ARRDC4: variants seen among roughly 807,000 people sequenced by gnomAD.
ARRDC4 encodes the protein arrestin domain-containing protein 4.
A neutral mutation model predicts 44.6 loss-of-function variants in ARRDC4; 40 were observed. The ratio of observed to expected loss-of-function variants is 0.90; its 90% CI spans 0.70 to 1.17. ARRDC4 has a LOEUF of 1.17. Ranked by LOEUF, ARRDC4 falls within the 50% of genes most tolerant of loss-of-function variation. The probability of loss-of-function intolerance (pLI) is 0.00; values close to 1 mark genes in which losing one functional copy is unlikely to be tolerated. For missense variants in ARRDC4, 550 were observed against 559.1 expected (o/e 0.98, Z 0.16); for synonymous variants, 211 against 221.2 (o/e 0.95, Z 0.41).
In ARRDC4 at chr15:97,969,949, C is replaced by T; in HGVS notation, c.949C>T (p.Pro317Ser). 6.2e-7 allele frequency: 1 copy of T among 1,611,068 alleles called. No homozygotes were observed. Among genetic ancestry groups the T allele is most frequent in the Non-Finnish European group, 8.5e-7 (1 of 1,179,070 alleles). The change falls in exon 6 of 8, where the codon CCA becomes TCA. Residue 317 changes from proline (P) to serine (S), a missense_variant. Pro to Ser is a moderately conservative substitution (Grantham distance 74, BLOSUM62 -1). Transcript: ENST00000268042. Reference protein sequence around the residue: ...LELPLVIGTIPYNGFGSRNSS... With the variant: ...LELPLVIGTISYNGFGSRNSS... The stretch of plus-strand genomic sequence containing the variant: ...ACTGCCATTAGTGATCGGTACAATT[C>T]CATATAATGGTTTTGGCAGCAGAAA...
Position 97,968,635 on chromosome 15 carries a change from G to T in ARRDC4, c.626-488G>T, listed in dbSNP as rs1029093479. On this transcript the variant is annotated intron_variant, in intron 4 of 7. Transcript: ENST00000268042. The surrounding 1 kb of genome is among the most constrained non-coding windows in gnomAD (Gnocchi z 5.4). ...TTCTGACTTGTTAGAAAGGAATTCA[G>T]TATGGAATGGTATGATGTGCAGCCA... Among the ~76,000 whole-genome samples, 1 of 152,218 alleles carries T rather than the reference G, an allele frequency of 6.6e-6. No homozygotes were observed. The highest frequency in any genetic ancestry group is 2.4e-5 in the African/African-American group (1 of 41,468).
chr15:97,964,997 T>TATATACACAC (rs1555456248), intron 1 of ARRDC4, among the ~76,000 whole-genome samples: 12 of 147,828 alleles, frequency 8.1e-5, no homozygotes, highest in African/African-American at 3.0e-4. Context: ...GATTTTTACA[T>TATATACACAC]ACACACACAC....
chr15:97,967,288 T>C lies in ARRDC4; in HGVS notation c.523-726T>C, dbSNP rs1021880134. Among the ~76,000 whole-genome samples, 4 of 150,224 alleles carry C rather than the reference T, an allele frequency of 2.7e-5. No homozygotes were observed. The highest frequency in any genetic ancestry group is 4.4e-5 in the Non-Finnish European group (3 of 67,886). On this transcript the variant is annotated intron_variant, in intron 3 of 7. Transcript: ENST00000268042. The surrounding 1 kb of genome is among the most constrained non-coding windows in gnomAD (Gnocchi z 5.0). ...ACTGTTGATCCCTTACGATTCTTTATATAAATAAAAAAAAAATATTGCAAG... is the reference window on the plus strand; with the variant it reads ...ACTGTTGATCCCTTACGATTCTTTACATAAATAAAAAAAAAATATTGCAAG...
chr15:97,971,037 G>A, intron 7 of ARRDC4, 94 bp from the exon 8 acceptor site: 1 of 1,381,008 alleles, frequency 7.2e-7, no homozygotes, highest in Non-Finnish European at 1.0e-6. Context: ...GCTCTGACCA[G>A]CTTGGCATAT....
rs974989517 is a variant in ARRDC4, at chr15:97,965,796, C to CT, written c.375-92dup. On this transcript the variant is annotated intron_variant, in intron 2 of 7. Coordinates refer to ENST00000268042, the MANE Select transcript of ARRDC4 (RefSeq NM_183376.3). The surrounding 1 kb of genome is among the most constrained non-coding windows in gnomAD (Gnocchi z 5.1). ...TGAATAGTCCCTAAATAGACTTACTCTTTTTTTATTTCCAACCTAAAACAT... is the reference window on the plus strand; with the variant it reads ...TGAATAGTCCCTAAATAGACTTACTCTTTTTTTTATTTCCAACCTAAAACAT... The CT allele has an allele frequency of 2.0e-5, 31 of 1,525,680 alleles. No individual in the cohort carries two copies. The highest frequency in any genetic ancestry group is 2.3e-5 in the South Asian group (2 of 85,588). The allele number at this position is 1,525,680 out of a possible 1,614,324, so 94.5% of individuals were successfully genotyped here.
Position 97,967,860 on chromosome 15 carries a change from A to G in ARRDC4, c.523-154A>G, listed in dbSNP as rs913057590. Among the ~76,000 whole-genome samples the G allele has an allele frequency of 1.3e-5, 2 of 152,048 alleles. No homozygotes were observed. The highest frequency in any genetic ancestry group is 2.9e-5 in the Non-Finnish European group (2 of 67,980). On this transcript the variant is annotated intron_variant, in intron 3 of 7. Transcript: ENST00000268042. The surrounding 1 kb of genome is among the most constrained non-coding windows in gnomAD (Gnocchi z 5.0). Reference sequence around the variant, plus strand: ...CTTAACACCCTGTGTTTTTGTGCATATTTGGCCTAATATGTTACATGAGGA... The same window carrying G: ...CTTAACACCCTGTGTTTTTGTGCATGTTTGGCCTAATATGTTACATGAGGA...
intron 1 of ARRDC4, among the ~76,000 whole-genome samples, chr15:97,961,405 T>C (rs1412145458): frequency 6.6e-6 from 1 of 152,134 alleles, no homozygotes; most frequent in Non-Finnish European, 1.5e-5. Flanking sequence ...CTCGGGATTT[T>C]CTAGGACCGC....
rs1274362055 is a variant in ARRDC4, at chr15:97,960,872, A to G, written c.11A>G (p.Glu4Gly). The part of the protein sequence containing the change: MGG[E>G]AGCAAAVGAE... ...GAGTCGCCCGGCGGGATGGGCGGGGAGGCTGGGTGCGCGGCGGCCGTGGGT... is the reference window on the plus strand; with the variant it reads ...GAGTCGCCCGGCGGGATGGGCGGGGGGGCTGGGTGCGCGGCGGCCGTGGGT... The change falls in exon 1 of 8, where the codon GAG becomes GGG. Residue 4 changes from glutamate to glycine, a missense_variant. Transcript: ENST00000268042. 1 of 1,376,926 alleles carries G rather than the reference A, an allele frequency of 7.3e-7. No homozygotes were observed. The highest frequency in any genetic ancestry group is 2.8e-5 in the Admixed American group (1 of 35,294). 85.3% of individuals were successfully genotyped at this position (1,376,926 alleles called of 1,614,324 possible).
In ARRDC4 at chr15:97,969,976, T is replaced by G; in HGVS notation, c.976T>G (p.Ser326Ala). Reference protein sequence around the residue: ...IPYNGFGSRNSSIASQFSMDM... With the variant: ...IPYNGFGSRNASIASQFSMDM... ...ATATAATGGTTTTGGCAGCAGAAACTCCAGCATTGCCAGCCAGTTCAGTAT... is the reference window on the plus strand; with the variant it reads ...ATATAATGGTTTTGGCAGCAGAAACGCCAGCATTGCCAGCCAGTTCAGTAT... The change falls in exon 6 of 8, where the codon TCC (serine) becomes GCC (alanine). Residue 326 changes from serine (S) to alanine (A), a missense_variant. Ser to Ala is a moderately conservative substitution (Grantham distance 99). Coordinates refer to ENST00000268042, the MANE Select transcript of ARRDC4 (RefSeq NM_183376.3). 6.2e-7 allele frequency: 1 copy of G among 1,612,828 alleles called. No individual in the cohort carries two copies. Among genetic ancestry groups the G allele is most frequent in the Non-Finnish European group, 8.5e-7 (1 of 1,179,454 alleles).
intron 1 of ARRDC4, among the ~76,000 whole-genome samples, chr15:97,963,195 T>C (rs180979439): frequency 5.9e-5 from 9 of 152,300 alleles, no homozygotes; most frequent in African/African-American, 2.2e-4. Context: ...TGTAAGGCCA[T>C]TAGTGATTGA....
Position 97,971,569 on chromosome 15 carries a change from A to T in ARRDC4, c.*382A>T. On this transcript the variant is annotated 3_prime_UTR_variant, in exon 8 of 8. Transcript: ENST00000268042. ...AGTGGAACGAAGGCGATATGAACTG[A>T]AGGGGTGAAGACTTGATTTTGGAGA... 1 of 236,158 alleles carries T rather than the reference A, an allele frequency of 4.2e-6. No homozygotes were observed. The highest frequency in any genetic ancestry group is 5.2e-5 in the Admixed American group (1 of 19,412). 14.6% of individuals were successfully genotyped at this position (236,158 alleles called of 1,614,324 possible). A position where few individuals can be genotyped will look rare whatever the true frequency, so the allele number is the denominator to read the frequency against.
chr15:97,960,980 G>A lies in ARRDC4; in HGVS notation c.119G>A (p.Gly40Glu). ...GCYSSGETVA[G>E]HVLLEASEPV... ...TATTCCAGCGGCGAGACAGTGGCCG[G>A]GCACGTGCTGCTGGAGGCGTCCGAG... Residue 40 changes from glycine to glutamate, a missense_variant, in exon 1 of 8, where the codon GGG becomes GAG. Gly to Glu is a moderately conservative substitution (Grantham distance 98). Transcript: ENST00000268042. 6.8e-7 allele frequency: 1 copy of A among 1,461,824 alleles called. No homozygotes were observed. The highest frequency in any genetic ancestry group is 1.3e-5 in the South Asian group (1 of 75,734). 90.6% of individuals were successfully genotyped at this position (1,461,824 alleles called of 1,614,324 possible). A position where few individuals can be genotyped will look rare whatever the true frequency, so the allele number is the denominator to read the frequency against.
In ARRDC4 at chr15:97,968,002, G is replaced by A. The variant is rs995692467; in HGVS notation, c.523-12G>A. On this transcript the variant is annotated splice_polypyrimidine_tract_variant and intron_variant, in intron 3 of 7. Coordinates refer to ENST00000268042, the MANE Select transcript of ARRDC4 (RefSeq NM_183376.3). The surrounding 1 kb of genome is among the most constrained non-coding windows in gnomAD (Gnocchi z 5.4). ...CTTAATTAAGGTTGTTTTATTGTTT[G>A]AAATTTTCAAGACCCCTGTATTGAA... is the stretch of plus-strand genomic sequence containing the variant. 3 of 1,550,128 alleles carry A rather than the reference G, an allele frequency of 1.9e-6. No homozygotes were observed. Among genetic ancestry groups the A allele is most frequent in the African/African-American group, 1.4e-5 (1 of 72,198 alleles).
chr15:97,971,732 A>G lies in ARRDC4; in HGVS notation c.*545A>G, dbSNP rs916301995. The stretch of plus-strand genomic sequence containing the variant: ...CATTGAAAAAGCATCTTTTCTTGAG[A>G]TCATGGTCATATGAGGTCCTAATGA... On this transcript the variant is annotated 3_prime_UTR_variant, in exon 8 of 8. Transcript: ENST00000268042. The G allele has an allele frequency of 6.4e-6, 1 of 155,800 alleles. No homozygotes were observed. Among genetic ancestry groups the G allele is most frequent in the Admixed American group, 6.2e-5 (1 of 16,194 alleles). The allele number at this position is 155,800 out of a possible 1,614,324, so 9.7% of individuals were successfully genotyped here. A position where few individuals can be genotyped will look rare whatever the true frequency, so the allele number is the denominator to read the frequency against.
At position 97,969,312 on chromosome 15, in the gene ARRDC4, T is replaced by TA; in HGVS notation, c.820dup (p.Ile274AsnfsTer30). ...ACAGACACATGGAATGGGAAAACGC[T>TA]AAAAATCCCACCTGTTACTCCATCC... is the stretch of plus-strand genomic sequence containing the variant. On this transcript the variant is annotated frameshift_variant, in exon 5 of 8. Coordinates refer to ENST00000268042, the MANE Select transcript of ARRDC4 (RefSeq NM_183376.3). LOFTEE classifies it high-confidence loss of function. 2 of 1,613,912 alleles carry TA rather than the reference T, an allele frequency of 1.2e-6. No individual in the cohort carries two copies. Among genetic ancestry groups the TA allele is most frequent in the South Asian group, 1.1e-5 (1 of 91,080 alleles).
In ARRDC4 at chr15:97,971,679, G is replaced by C. The variant is rs1899517891; in HGVS notation, c.*492G>C. On this transcript the variant is annotated 3_prime_UTR_variant, in exon 8 of 8. Coordinates refer to ENST00000268042, the MANE Select transcript of ARRDC4 (RefSeq NM_183376.3). ...GATCCTGAGTCTTTGGGTGCTTCAT[G>C]ATTTCCTACCATATTCAGGCCTAAA... The C allele has an allele frequency of 6.2e-6, 1 of 162,454 alleles. No homozygotes were observed. Among genetic ancestry groups the C allele is most frequent in the Admixed American group, 5.7e-5 (1 of 17,484 alleles). 10.1% of individuals were successfully genotyped at this position (162,454 alleles called of 1,614,324 possible). A position where few individuals can be genotyped will look rare whatever the true frequency, so the allele number is the denominator to read the frequency against.
In ARRDC4 at chr15:97,970,777, G is replaced by C; in HGVS notation, c.1200+34G>C. ...AGCAAAAGAAAATTAGACTTTTACT[G>C]TATTATTTTCAAATAATCATTTTTT... On this transcript the variant is annotated intron_variant, in intron 7 of 7. Coordinates refer to ENST00000268042, the MANE Select transcript of ARRDC4 (RefSeq NM_183376.3). This position sits in a 1 kb window ranked among gnomAD's most constrained non-coding sequence, Gnocchi z 4.2. 6.3e-7 allele frequency: 1 copy of C among 1,587,934 alleles called. No individual in the cohort carries two copies. Among genetic ancestry groups the C allele is most frequent in the Non-Finnish European group, 8.6e-7 (1 of 1,163,406 alleles).
At position 97,961,186 on chromosome 15, in the gene ARRDC4, C is replaced by T. The variant is rs958923641; in HGVS notation, c.307+18C>T. 7.2e-7 allele frequency: 1 copy of T among 1,386,878 alleles called. No individual in the cohort carries two copies. Among genetic ancestry groups the T allele is most frequent in the Non-Finnish European group, 9.2e-7 (1 of 1,082,362 alleles). The allele number at this position is 1,386,878 out of a possible 1,614,324, so 85.9% of individuals were successfully genotyped here. A position where few individuals can be genotyped will look rare whatever the true frequency, so the allele number is the denominator to read the frequency against. ...CCCGGCCGGTAAGCGCAGGCGAGCGCCTGGGGTTCCCCCGCCAGGCTGCGG... is the reference window on the plus strand; with the variant it reads ...CCCGGCCGGTAAGCGCAGGCGAGCGTCTGGGGTTCCCCCGCCAGGCTGCGG... On this transcript the variant is annotated intron_variant, in intron 1 of 7. Coordinates refer to ENST00000268042, the MANE Select transcript of ARRDC4 (RefSeq NM_183376.3).
At position 97,970,031 on chromosome 15, in the gene ARRDC4, C is replaced by T. The variant is rs145261339; in HGVS notation, c.1031C>T (p.Pro344Leu). ...MDMSWLTLTL[P>L]EQPEAPPNYA... ...ATGAGCTGGTTGACACTGACCCTGCCAGAGCAGCCTGAAGGTAAAATATGT... is the reference window on the plus strand; with the variant it reads ...ATGAGCTGGTTGACACTGACCCTGCTAGAGCAGCCTGAAGGTAAAATATGT... Residue 344 changes from proline to leucine, a missense_variant, in exon 6 of 8, where the codon CCA becomes CTA. Physicochemically the swap from Pro to Leu is moderately conservative, Grantham distance 98. Coordinates refer to ENST00000268042, the MANE Select transcript of ARRDC4 (RefSeq NM_183376.3). This position sits in a 1 kb window ranked among gnomAD's most constrained non-coding sequence, Gnocchi z 4.2. The T allele has an allele frequency of 6.2e-7, 1 of 1,608,862 alleles. No individual in the cohort carries two copies. The highest frequency in any genetic ancestry group is 8.5e-7 in the Non-Finnish European group (1 of 1,177,346).
Sources: allele counts gnomAD v4.1 joint callset (sites outside exome capture counted in the v4.1 genomes callset), GRCh38; gene constraint gnomAD v4.1.1; non-coding constraint Gnocchi (gnomAD v3.1); transcripts MANE v1.5; gene names NCBI Gene and HGNC (gene_info 2026-07-23, HGNC 2026-07-21).